Variants in AKAP6 observed in about 807,000 individuals in gnomAD.
AKAP6 encodes the protein A-kinase anchoring protein 6, also known as A-kinase anchor protein 6.
Under a neutral mutation model 188.5 loss-of-function variants are expected in AKAP6, and 58 were observed. The observed-to-expected ratio is 0.31, with a 90% CI of 0.25 to 0.38. The LOEUF is 0.38. Ranked by LOEUF, AKAP6 falls within the 10% of genes least tolerant of loss-of-function variation. AKAP6 has a pLI of 1.00. For synonymous variants in AKAP6, 989 were observed against 998.6 expected (o/e 0.99, Z 0.18); for missense variants, 2,710 against 2,740.0 (o/e 0.99, Z 0.24).
At chr14:32,778,916 T>TAA (rs58146403) in intron 12 of AKAP6, among the ~76,000 whole-genome samples, 75 of 149,218 alleles carry the variant, frequency 5.0e-4, no homozygotes, top group African/African-American at 1.2e-3. Flanking sequence ...TAGAATCATT[T>TAA]AAAAAAAAAT....
At chr14:32,346,447 A>C (rs1887068510) in intron 1 of AKAP6, among the ~76,000 whole-genome samples, 1 of 152,216 alleles carries the variant, frequency 6.6e-6, no homozygotes, top group Non-Finnish European at 1.5e-5. Context: ...AAGCACTTTC[A>C]CTTGTAACTT....
Position 32,835,188 on chromosome 14 carries a change from C to T in AKAP6, c.*5383C>T, listed in dbSNP as rs2034862639. On this transcript the variant is annotated 3_prime_UTR_variant, in exon 14 of 14. Coordinates refer to ENST00000280979, the MANE Select transcript of AKAP6 (RefSeq NM_004274.5). ...TTTCTGATCCCTGGTCTATGATATT[C>T]TAAATTCCGACACATTTTCTTAGGA... 6.6e-6 allele frequency: 1 copy of T among 152,154 alleles called. No homozygotes were observed. The highest frequency in any genetic ancestry group is 2.4e-5 in the African/African-American group (1 of 41,434). 9.4% of individuals were successfully genotyped at this position (152,154 alleles called of 1,614,324 possible). A position where few individuals can be genotyped will look rare whatever the true frequency, so the allele number is the denominator to read the frequency against.
At chr14:32,499,735 C>T (rs1276730623) in intron 2 of AKAP6, among the ~76,000 whole-genome samples, 1 of 151,358 alleles carries the variant, frequency 6.6e-6, no homozygotes, top group African/African-American at 2.4e-5. Flanking sequence ...AAAAATGATA[C>T]TGAATATTAT....
intron 7 of AKAP6, among the ~76,000 whole-genome samples, chr14:32,647,969 A>C (rs940236592): frequency 6.6e-6 from 1 of 152,114 alleles, no homozygotes; most frequent in Non-Finnish European, 1.5e-5. Context: ...TAAAAAATGC[A>C]AATTGTGCAA....
chr14:32,767,095 T>C (rs911367813), intron 11 of AKAP6, among the ~76,000 whole-genome samples: 6 of 152,196 alleles, frequency 3.9e-5, no homozygotes, highest in Non-Finnish European at 8.8e-5. Context: ...CCAGAGCTTT[T>C]TAATTTTACT....
At chr14:32,468,318 T>G (rs2138851313) in intron 2 of AKAP6, among the ~76,000 whole-genome samples, 1 of 152,294 alleles carries the variant, frequency 6.6e-6, no homozygotes, top group Admixed American at 6.5e-5. Context: ...CTCTGTGCCT[T>G]TTGAGTTGTG....
At chr14:32,530,880 T>TAAAAAAC (rs201899691) in intron 2 of AKAP6, among the ~76,000 whole-genome samples, 17 of 151,770 alleles carry the variant, frequency 1.1e-4, no homozygotes, top group East Asian at 7.7e-4. Context: ...CAACCCAATT[T>TAAAAAAC]AAAAAACAAA....
intron 12 of AKAP6, among the ~76,000 whole-genome samples, chr14:32,793,774 G>A (rs984111380): frequency 6.6e-6 from 1 of 150,626 alleles, no homozygotes; most frequent in Non-Finnish European, 1.5e-5. Flanking sequence ...ATTAAATAAT[G>A]GTAAAGGCTT....
At chr14:32,450,336 G>GAGAT (rs1890896632) in intron 2 of AKAP6, among the ~76,000 whole-genome samples, 1 of 152,062 alleles carries the variant, frequency 6.6e-6, no homozygotes, top group Non-Finnish European at 1.5e-5. Context: ...GAGAGAGAGA[G>GAGAT]AGAGAGGGAG....
intron 1 of AKAP6, among the ~76,000 whole-genome samples, chr14:32,427,462 TAA>T (rs1890074091): frequency 6.6e-6 from 1 of 152,200 alleles, no homozygotes. Context: ...GAAAGCCATT[TAA>T]AGTTTCCCAG....
At chr14:32,644,893 C>G (rs1277905783) in intron 7 of AKAP6, among the ~76,000 whole-genome samples, 1 of 152,140 alleles carries the variant, frequency 6.6e-6, no homozygotes, top group Non-Finnish European at 1.5e-5. Flanking sequence ...CTCTGCTTTT[C>G]TAAAAAGCCA....
At chr14:32,506,119 G>A (rs891640407) in intron 2 of AKAP6, among the ~76,000 whole-genome samples, 2 of 151,694 alleles carry the variant, frequency 1.3e-5, no homozygotes, top group Non-Finnish European at 2.9e-5. Flanking sequence ...CTCCAGCTTG[G>A]GTGACAGAGT....
At chr14:32,414,727 C>T (rs778682612) in intron 1 of AKAP6, among the ~76,000 whole-genome samples, 1 of 152,052 alleles carries the variant, frequency 6.6e-6, no homozygotes, top group East Asian at 1.9e-4. Context: ...ATTAAGATGA[C>T]ACAAAGCATT....
At chr14:32,767,889 C>T (rs1364150952) in intron 11 of AKAP6, among the ~76,000 whole-genome samples, 3 of 152,292 alleles carry the variant, frequency 2.0e-5, no homozygotes, top group African/African-American at 7.2e-5. Flanking sequence ...ACCTCCCTTA[C>T]CTTATTTAGA....
chr14:32,339,298 T>G (rs1410834850), intron 1 of AKAP6, among the ~76,000 whole-genome samples: 2 of 152,290 alleles, frequency 1.3e-5, no homozygotes, highest in Admixed American at 1.3e-4. Flanking sequence ...TTAACTCTCT[T>G]TTGCAGTGGT....
At chr14:32,492,621 A>G (rs548164235) in intron 2 of AKAP6, among the ~76,000 whole-genome samples, 3 of 152,012 alleles carry the variant, frequency 2.0e-5, no homozygotes, top group Non-Finnish European at 4.4e-5. Context: ...AGAATTAAAA[A>G]TAGATCCCTG....
intron 8 of AKAP6, among the ~76,000 whole-genome samples, chr14:32,690,551 T>G (rs1353854154): frequency 1.3e-5 from 2 of 152,130 alleles, no homozygotes; most frequent in East Asian, 3.9e-4. Flanking sequence ...ATAAAAGCCC[T>G]GGAATCTTTT....
intron 6 of AKAP6, 110 bp downstream of exon 6, chr14:32,599,616 T>A (rs749305858): frequency 7.1e-5 from 53 of 745,418 alleles, no homozygotes; most frequent in Non-Finnish European, 1.1e-4. Flanking sequence ...TTATTAATAT[T>A]TACATTATCA....
chr14:32,651,642 A>G (rs1360454708), intron 7 of AKAP6, among the ~76,000 whole-genome samples: 3 of 152,148 alleles, frequency 2.0e-5, no homozygotes, highest in African/African-American at 7.2e-5. Context: ...GAAGGAATGG[A>G]TAAGCAAGAG....
Sources: gnomAD v4.1 joint callset for allele counts (sites outside exome capture counted in the v4.1 genomes callset) on GRCh38, gnomAD v4.1.1 for gene constraint, MANE v1.5 for transcripts, NCBI Gene and HGNC (gene_info 2026-07-23, HGNC 2026-07-21) for gene names.